SPRED2: variants seen among roughly 807,000 people sequenced by gnomAD.
The protein encoded by SPRED2 is sprouty-related, EVH1 domain-containing protein 2.
In SPRED2, 47 loss-of-function variants were observed where a neutral mutation model predicts 43.0. The observed-to-expected ratio is 1.09, with a 90% CI of 0.87 to 1.40. The LOEUF is 1.40. Among genes scored for constraint, SPRED2 ranks in the 40% most tolerant of loss-of-function variants. The pLI is 0.00. For synonymous variants in SPRED2, 225 were observed against 225.7 expected (o/e 1.00, Z 0.03); for missense variants, 561 against 586.4 (o/e 0.96, Z 0.45).
intron 1 of SPRED2, among the ~76,000 whole-genome samples, chr2:65,405,285 G>A (rs1675997010): frequency 6.6e-6 from 1 of 152,202 alleles, no homozygotes; most frequent in Admixed American, 6.5e-5. Flanking sequence ...AGTCATTGAG[G>A]TGATATATAG....
chr2:65,430,316 A>G (rs10164454), intron 1 of SPRED2, among the ~76,000 whole-genome samples: 4,830 of 152,252 alleles, frequency 0.032, 267 homozygotes, highest in African/African-American at 0.11. Flanking sequence ...TGCGACAGGC[A>G]CAGCAGCAGG....
Position 65,314,040 on chromosome 2 carries a change from A to C in SPRED2, c.718T>G (p.Tyr240Asp), listed in dbSNP as rs1412145183. 1 of 1,614,038 alleles carries C rather than the reference A, an allele frequency of 6.2e-7. No homozygotes were observed. Among genetic ancestry groups the C allele is most frequent in the African/African-American group, 1.3e-5 (1 of 74,942 alleles). ...TCCGCGTCCTCCGAGGGGTCCGGGTACTTGCCCCTGACGGGTGCGTGCCGG... is the reference window on the plus strand; with the variant it reads ...TCCGCGTCCTCCGAGGGGTCCGGGTCCTTGCCCCTGACGGGTGCGTGCCGG... ...DYRHAPVRGK[Y>D]PDPSEDADSS... The change falls in exon 6 of 6, where the codon TAC becomes GAC. Residue 240 changes from tyrosine (Y) to aspartate (D), a missense_variant. Around this residue, in one of 6 missense-constraint regions of SPRED2, gnomAD observed 164 missense variants for 164.1 expected, o/e 1.00. Coordinates refer to ENST00000356388, the MANE Select transcript of SPRED2 (RefSeq NM_181784.3).
Position 65,325,974 on chromosome 2 carries a change from C to T in SPRED2, c.438+6013G>A, listed in dbSNP as rs184658399. On this transcript the variant is annotated intron_variant, in intron 4 of 5. Transcript: ENST00000356388. The stretch of plus-strand genomic sequence containing the variant: ...CTCCAGCCTAGGTGACAGAGCAAGA[C>T]TGTCTCAAAAAAAAAAAAAAGTTAC... Among the ~76,000 whole-genome samples, 5 of 148,546 alleles carry T rather than the reference C, an allele frequency of 3.4e-5. No homozygotes were observed. The East Asian group carries it at 9.7e-4, about 29-fold the overall frequency.
chr2:65,396,657 T>C (rs901588553), intron 1 of SPRED2, among the ~76,000 whole-genome samples: 1 of 152,148 alleles, frequency 6.6e-6, no homozygotes, highest in Admixed American at 6.5e-5. Context: ...ACTAGAGAAG[T>C]AAAGAATTTT....
At chr2:65,392,204 G>C (rs1389310511) in intron 1 of SPRED2, among the ~76,000 whole-genome samples, 1 of 136,756 alleles carries the variant, frequency 7.3e-6, no homozygotes, top group East Asian at 2.1e-4. Context: ...TTTGGAGACA[G>C]GGTCTTGCTC....
Position 65,313,323 on chromosome 2 carries a change from T to A in SPRED2, c.*178A>T. ...GCTGCAGTGTGGGCGGCAGGGGGAG[T>A]GGAGAGTCTACCCGGCAGCGTCCCT... On this transcript the variant is annotated 3_prime_UTR_variant, in exon 6 of 6. Coordinates refer to ENST00000356388, the MANE Select transcript of SPRED2 (RefSeq NM_181784.3). The A allele has an allele frequency of 6.9e-7, 1 of 1,438,916 alleles. No homozygotes were observed. The highest frequency in any genetic ancestry group is 1.5e-5 in the South Asian group (1 of 66,582). The allele number at this position is 1,438,916 out of a possible 1,614,324, so 89.1% of individuals were successfully genotyped here.
intron 4 of SPRED2, among the ~76,000 whole-genome samples, chr2:65,328,470 G>A (rs190838459): frequency 5.2e-4 from 79 of 152,246 alleles, no homozygotes; most frequent in Middle Eastern, 3.4e-3. Flanking sequence ...ACTTCATCTC[G>A]CTGAGCTGTG....
chr2:65,307,759 C>A (rs577917127), downstream of SPRED2, among the ~76,000 whole-genome samples: 1 of 152,330 alleles, frequency 6.6e-6, no homozygotes, highest in Non-Finnish European at 1.5e-5. Flanking sequence ...TGCACAGTTA[C>A]AACTGGTATC....
intron 1 of SPRED2, among the ~76,000 whole-genome samples, chr2:65,361,834 GC>G (rs1052199907): frequency 1.3e-5 from 2 of 152,198 alleles, no homozygotes; most frequent in Non-Finnish European, 2.9e-5. Flanking sequence ...CTCCCAAGCA[GC>G]CTTTATGACA....
chr2:65,353,126 G>T (rs1674556588), intron 1 of SPRED2, among the ~76,000 whole-genome samples: 1 of 152,076 alleles, frequency 6.6e-6, no homozygotes, highest in Admixed American at 6.6e-5. Context: ...AAAGCCAGGG[G>T]TCCTGCTTAT....
chr2:65,432,150 C>T lies in SPRED2; in HGVS notation c.-163G>A. ...CCGCAGCAGAAGGGGAAGCAGGGCGCGGGATAGGGTTTGGGGGAAGGGGTG... is the reference window on the plus strand; with the variant it reads ...CCGCAGCAGAAGGGGAAGCAGGGCGTGGGATAGGGTTTGGGGGAAGGGGTG... On this transcript the variant is annotated 5_prime_UTR_variant, in exon 1 of 6. Transcript: ENST00000356388. 1.2e-6 allele frequency: 1 copy of T among 856,776 alleles called. No homozygotes were observed. The highest frequency in any genetic ancestry group is 1.5e-5 in the South Asian group (1 of 65,174). The allele number at this position is 856,776 out of a possible 1,614,324, so 53.1% of individuals were successfully genotyped here.
chr2:65,421,867 C>G (rs1166398261), intron 1 of SPRED2, among the ~76,000 whole-genome samples: 4 of 152,128 alleles, frequency 2.6e-5, no homozygotes, highest in Admixed American at 6.5e-5. Context: ...AAAACTGAGG[C>G]CCTGTGAGGT....
At chr2:65,422,142 TCA>T (rs1676444438) in intron 1 of SPRED2, among the ~76,000 whole-genome samples, 1 of 149,596 alleles carries the variant, frequency 6.7e-6, no homozygotes, top group Non-Finnish European at 1.5e-5. Flanking sequence ...TCTCTTACCC[TCA>T]CTCATTCTTT....
chr2:65,407,686 G>C (rs958722204), intron 1 of SPRED2, among the ~76,000 whole-genome samples: 1 of 152,126 alleles, frequency 6.6e-6, no homozygotes, highest in African/African-American at 2.4e-5. Context: ...TGGATCACTT[G>C]TCCTTTCACC....
At chr2:65,376,434 G>C (rs1487405012) in intron 1 of SPRED2, among the ~76,000 whole-genome samples, 2 of 152,148 alleles carry the variant, frequency 1.3e-5, no homozygotes, top group Non-Finnish European at 2.9e-5. Flanking sequence ...TGTAAAGATA[G>C]ATGCATTTTT....
chr2:65,412,884 T>C (rs981802366), intron 1 of SPRED2, among the ~76,000 whole-genome samples: 6 of 152,168 alleles, frequency 3.9e-5, no homozygotes, highest in Non-Finnish European at 8.8e-5. Context: ...CAGTTAAACT[T>C]TTCTCTGCTG....
chr2:65,366,108 G>A (rs904615534), intron 1 of SPRED2, among the ~76,000 whole-genome samples: 4 of 152,074 alleles, frequency 2.6e-5, no homozygotes, highest in Admixed American at 6.6e-5. Context: ...ATTAAGTCAC[G>A]CATCATGGGG....
At chr2:65,386,343 C>T (rs1675502473) in intron 1 of SPRED2, among the ~76,000 whole-genome samples, 1 of 141,932 alleles carries the variant, frequency 7.0e-6, no homozygotes, top group African/African-American at 2.5e-5. Context: ...TAGATTTAAT[C>T]AAGGGACCTT....
At chr2:65,390,174 G>A (rs1039268178) in intron 1 of SPRED2, among the ~76,000 whole-genome samples, 27 of 152,186 alleles carry the variant, frequency 1.8e-4, no homozygotes, top group African/African-American at 6.5e-4. Flanking sequence ...TGACTGATGA[G>A]CCAGACCTGG....
Sources: gnomAD v4.1 joint callset for allele counts (sites outside exome capture counted in the v4.1 genomes callset) on GRCh38, gnomAD v4.1.1 for gene constraint, gnomAD v4.1.1 regional missense constraint, MANE v1.5 for transcripts, NCBI Gene and HGNC (gene_info 2026-07-23, HGNC 2026-07-21) for gene names.